Variants in UBP1 observed in about 807,000 individuals in gnomAD.
UBP1 encodes upstream-binding protein 1.
In UBP1, 22 loss-of-function variants were observed where a neutral mutation model predicts 76.1. The observed-to-expected ratio is 0.29, with a 90% CI of 0.21 to 0.41. The LOEUF is 0.41. Ranked by LOEUF, UBP1 falls within the 10% of genes least tolerant of loss-of-function variation. The probability of loss-of-function intolerance (pLI) is 1.00; values close to 1 mark genes in which losing one functional copy is unlikely to be tolerated. For synonymous variants in UBP1, 224 were observed against 237.1 expected, an observed-to-expected ratio of 0.94 and a Z score of 0.51; for missense variants, 436 against 668.1, an observed-to-expected ratio of 0.65 and a Z score of 3.83.
intron 1 of UBP1, among the ~76,000 whole-genome samples, chr3:33,431,982 T>TCATATCC (rs1269020419): frequency 6.6e-6 from 1 of 152,140 alleles, no homozygotes; most frequent in Non-Finnish European, 1.5e-5. Context: ...CTGAATACTC[T>TCATATCC]CATATCCATT....
chr3:33,392,457 T>C (rs2043806287), intron 15 of UBP1, 106 bp downstream of exon 15: 2 of 958,026 alleles, frequency 2.1e-6, no homozygotes, highest in African/African-American at 3.4e-5. Flanking sequence ...CTTCTTAAAA[T>C]GAGTAAAGCA....
chr3:33,404,207 T>C lies in UBP1; in HGVS notation c.928-1303A>G, dbSNP rs2044350942. Among the ~76,000 whole-genome samples the C allele has an allele frequency of 2.6e-5, 4 of 152,126 alleles. No individual in the cohort carries two copies. In the South Asian group the frequency reaches 8.3e-4, roughly 32 times the overall value. On this transcript the variant is annotated intron_variant, in intron 8 of 15. Coordinates refer to ENST00000283629, the MANE Select transcript of UBP1 (RefSeq NM_014517.5). ...GTGGGTGGATCATGAGGTCAGGAGA[T>C]TGAGACCATCCTGGCTAACATGGTG...
Position 33,402,991 on chromosome 3 carries a change from C to G in UBP1, c.928-87G>C. The G allele has an allele frequency of 2.6e-6, 3 of 1,161,452 alleles. No homozygotes were observed. The Admixed American group carries it at 6.2e-5, about 24-fold the overall frequency. 71.9% of individuals were successfully genotyped at this position (1,161,452 alleles called of 1,614,324 possible). A position where few individuals can be genotyped will look rare whatever the true frequency, so the allele number is the denominator to read the frequency against. On this transcript the variant is annotated intron_variant, in intron 8 of 15. Coordinates refer to ENST00000283629, the MANE Select transcript of UBP1 (RefSeq NM_014517.5). ...TTGTAATTCACTCACTAACCAAATG[C>G]AAGATTATAAAATGCGAGACAGCTG...
intron 15 of UBP1, chr3:33,391,935 G>C (rs1210073947): frequency 1.3e-5 from 2 of 152,526 alleles, no homozygotes; most frequent in Non-Finnish European, 1.5e-5. Flanking sequence ...GCCCTGATCC[G>C]CTCACCCTCA....
chr3:33,409,461 G>T lies in UBP1; in HGVS notation c.696C>A (p.Ile232=). The part of the protein sequence containing the change: ...TDHLHSASCQ[I]KVFKPKGADR... ...TTCTCTGTCTTACCTTAAAAACTTTGATTTGGCAGCTAGCTGAGTGTAGAT... is the reference window on the plus strand; with the variant it reads ...TTCTCTGTCTTACCTTAAAAACTTTTATTTGGCAGCTAGCTGAGTGTAGAT... The change falls in exon 6 of 16, where the codon ATC becomes ATA. Residue 232 remains isoleucine (I), a synonymous_variant. Transcript: ENST00000283629. The T allele has an allele frequency of 6.2e-7, 1 of 1,614,106 alleles. No individual in the cohort carries two copies. Among genetic ancestry groups the T allele is most frequent in the Non-Finnish European group, 8.5e-7 (1 of 1,180,020 alleles).
At chr3:33,393,475 A>G (rs780156046) in intron 13 of UBP1, 21 bp from the exon 14 acceptor site, 1 of 1,582,590 alleles carries the variant, frequency 6.3e-7, no homozygotes, top group Admixed American at 1.8e-5. Context: ...AAAAAAAAAA[A>G]GAAAAGCATT....
At chr3:33,405,497 G>A (rs1206412897) in intron 8 of UBP1, among the ~76,000 whole-genome samples, 2 of 152,190 alleles carry the variant, frequency 1.3e-5, no homozygotes, top group African/African-American at 2.4e-5. Flanking sequence ...ACTTTCAGAT[G>A]TCAATCTGGA....
intron 1 of UBP1, among the ~76,000 whole-genome samples, chr3:33,434,706 G>C (rs1382198666): frequency 4.7e-5 from 1 of 21,414 alleles, no homozygotes; most frequent in African/African-American, 1.8e-4. Flanking sequence ...TTTTTTTTTT[G>C]AGATGGAGTC....
chr3:33,420,051 A>AT (rs1410510541), intron 2 of UBP1, among the ~76,000 whole-genome samples: 1 of 152,210 alleles, frequency 6.6e-6, no homozygotes, highest in Non-Finnish European at 1.5e-5. Context: ...TTGAAGACAC[A>AT]TACTCTAGTC....
chr3:33,402,909 G>T lies in UBP1; in HGVS notation c.928-5C>A. On this transcript the variant is annotated splice_region_variant and splice_polypyrimidine_tract_variant and intron_variant, in intron 8 of 15. Coordinates refer to ENST00000283629, the MANE Select transcript of UBP1 (RefSeq NM_014517.5). ...GGCATCGGGCCACGGAGAACACTAA[G>T]GACAGAAACAGAAATAAATTAGTGA... 6.2e-7 allele frequency: 1 copy of T among 1,601,246 alleles called. No individual in the cohort carries two copies. Among genetic ancestry groups the T allele is most frequent in the East Asian group, 2.2e-5 (1 of 44,578 alleles).
chr3:33,403,580 G>GTCTATCTATCTATCTATCTA (rs1422365561), intron 8 of UBP1: 7 of 147,156 alleles, frequency 4.8e-5, no homozygotes, highest in South Asian at 2.2e-4. Flanking sequence ...CTGTCTGTCT[G>GTCTATCTATCTATCTATCTA]TCTGTCTATC....
chr3:33,428,541 T>A (rs893192948), intron 1 of UBP1, among the ~76,000 whole-genome samples: 5 of 152,200 alleles, frequency 3.3e-5, no homozygotes, highest in Admixed American at 1.3e-4. Context: ...ACCACTTTTT[T>A]ATTCACTTGG....
rs751946163 is a variant in UBP1 at position 33,409,569 on chromosome 3, C to A, written c.588G>T (p.Arg196=). The A allele has an allele frequency of 6.2e-7, 1 of 1,614,190 alleles. No homozygotes were observed. Among genetic ancestry groups the A allele is most frequent in the East Asian group, 2.2e-5 (1 of 44,878 alleles). The part of the protein sequence containing the change: ...VHCISTEFTP[R]KHGGEKGVPF... Reference sequence around the variant, plus strand: ...GCACTCCCTTTTCACCTCCGTGCTTCCGTGGAGTAAATTCTGTGCTGATGC... The same window carrying A: ...GCACTCCCTTTTCACCTCCGTGCTTACGTGGAGTAAATTCTGTGCTGATGC... Residue 196 remains arginine, a synonymous_variant, in exon 6 of 16, where the codon CGG becomes CGT. Coordinates refer to ENST00000283629, the MANE Select transcript of UBP1 (RefSeq NM_014517.5).
At chr3:33,424,971 G>C (rs2044987120) in intron 2 of UBP1, among the ~76,000 whole-genome samples, 1 of 152,096 alleles carries the variant, frequency 6.6e-6, no homozygotes. Context: ...CTTTAACCTG[G>C]GGGGCGGAGG....
At chr3:33,420,323 T>TAATA (rs1020414961) in intron 2 of UBP1, among the ~76,000 whole-genome samples, 2 of 148,234 alleles carry the variant, frequency 1.3e-5, no homozygotes, top group African/African-American at 5.3e-5. Flanking sequence ...TGTACTTTAT[T>TAATA]AACATTCTTT....
intron 1 of UBP1, among the ~76,000 whole-genome samples, chr3:33,425,996 A>ATAT (rs2045005195): frequency 1.8e-5 from 1 of 55,136 alleles, no homozygotes; most frequent in Non-Finnish European, 3.3e-5. Context: ...GGCAGCTCTG[A>ATAT]ATATATATAT....
At chr3:33,419,662 A>G (rs5024716) in intron 2 of UBP1, among the ~76,000 whole-genome samples, 58,645 of 150,112 alleles carry the variant, frequency 0.39, 12,646 homozygotes, top group East Asian at 0.6. Context: ...AAAAGAAAAG[A>G]CTCTATAACA....
chr3:33,399,352 G>C (rs1240752864), intron 11 of UBP1, among the ~76,000 whole-genome samples: 1 of 152,160 alleles, frequency 6.6e-6, no homozygotes, highest in Non-Finnish European at 1.5e-5. Context: ...TGGAGAAGCA[G>C]TGCTTGATAC....
At chr3:33,439,660 A>C (rs2045258565) in intron 1 of UBP1, 76 bp downstream of exon 1, 1 of 1,499,880 alleles carries the variant, frequency 6.7e-7, no homozygotes, top group African/African-American at 1.4e-5. Flanking sequence ...GAGCAGCCGC[A>C]TCTGGCAGAG....
Sources: allele counts gnomAD v4.1 joint callset (sites outside exome capture counted in the v4.1 genomes callset), GRCh38; gene constraint gnomAD v4.1.1; transcripts MANE v1.5; gene names NCBI Gene and HGNC (gene_info 2026-07-23, HGNC 2026-07-21).